The following SGK1 variants were observed in gnomAD, a reference collection of about 807,000 sequenced individuals.
SGK1 encodes the protein serine/threonine-protein kinase Sgk1.
Under a neutral mutation model 64.2 loss-of-function variants are expected in SGK1, and 26 were observed. The ratio of observed to expected loss-of-function variants is 0.40; its 90% CI spans 0.30 to 0.56. The LOEUF is 0.56. Among genes scored for constraint, SGK1 ranks in the 20% least tolerant of loss-of-function variants. The pLI is 0.38. For synonymous variants in SGK1, 265 were observed against 239.7 expected, an observed-to-expected ratio of 1.11 and a Z score of -0.98; for missense variants, 519 against 645.6, an observed-to-expected ratio of 0.80 and a Z score of 2.12.
intron 2 of SGK1, among the ~76,000 whole-genome samples, chr6:134,251,254 G>A (rs1776601355): frequency 1.3e-5 from 2 of 152,160 alleles, no homozygotes; most frequent in Non-Finnish European, 2.9e-5. Context: ...TTGGCATGCA[G>A]TTAAACTTTG....
At chr6:134,254,930 G>A (rs1630191) in intron 2 of SGK1, among the ~76,000 whole-genome samples, 74,046 of 151,728 alleles carry the variant, frequency 0.49, 19,445 homozygotes, top group Non-Finnish European at 0.6. Context: ...GTGCAGTGGC[G>A]CCATCTCGGC....
At chr6:134,287,216 C>T (rs2114776835) in intron 1 of SGK1, among the ~76,000 whole-genome samples, 1 of 152,348 alleles carries the variant, frequency 6.6e-6, no homozygotes, top group Non-Finnish European at 1.5e-5. Flanking sequence ...AAATGATCCA[C>T]CTGCCTCGGG....
chr6:134,179,837 A>T (rs1169973910), intron 3 of SGK1, among the ~76,000 whole-genome samples: 1 of 152,208 alleles, frequency 6.6e-6, no homozygotes, highest in Non-Finnish European at 1.5e-5. Context: ...CCATAGGAAA[A>T]TTGACGGGAG....
chr6:134,297,593 C>T (rs1182714392), intron 1 of SGK1: 10 of 481,956 alleles, frequency 2.1e-5, no homozygotes, highest in Admixed American at 4.8e-5. Context: ...AGCTCCGCCT[C>T]CCAGGTTCAA....
At position 134,170,851 on chromosome 6, in the gene SGK1, ATCT is replaced by A. The variant is rs1562235584; in HGVS notation, c.1385_1387del (p.Lys462del). On this transcript the variant is annotated inframe_deletion, in exon 13 of 14. Transcript: ENST00000367858. Reference sequence around the variant, plus strand: ...CACATTTGGGTTAAAAGGGGGAGTAATCTTCTTATTAATGAGATCATCCCAGTT... The same window carrying A: ...CACATTTGGGTTAAAAGGGGGAGTAATCTTATTAATGAGATCATCCCAGTT... 2.5e-6 allele frequency: 4 copies of A among 1,609,576 alleles called. No homozygotes were observed. The highest frequency in any genetic ancestry group is 1.7e-5 in the Admixed American group (1 of 60,000).
At chr6:134,232,463 G>GAA (rs1386927266) in intron 2 of SGK1, among the ~76,000 whole-genome samples, 2 of 42,280 alleles carry the variant, frequency 4.7e-5, no homozygotes, top group Non-Finnish European at 1.1e-4. Flanking sequence ...AAGAAAGAAA[G>GAA]AAAGAAAGAA....
chr6:134,213,366 A>T (rs1775922900), intron 2 of SGK1, among the ~76,000 whole-genome samples: 1 of 151,916 alleles, frequency 6.6e-6, no homozygotes, highest in Non-Finnish European at 1.5e-5. Flanking sequence ...TCCTAAAAAT[A>T]CAAAATTAGC....
At chr6:134,217,794 G>C (rs1253010212) in intron 2 of SGK1, among the ~76,000 whole-genome samples, 1 of 152,160 alleles carries the variant, frequency 6.6e-6, no homozygotes, top group African/African-American at 2.4e-5. Flanking sequence ...ATGAGGCCTA[G>C]GAACAATACT....
At position 134,218,356 on chromosome 6, in the gene SGK1, T is replaced by C. The variant is rs899029095; in HGVS notation, c.286-10925A>G. On this transcript the variant is annotated intron_variant, in intron 2 of 13. Transcript: ENST00000367858. ...ATAACTTATTATACAATAGGCACAGTGCTAGGAGCCATGGGCATAGGTGTG... is the reference window on the plus strand; with the variant it reads ...ATAACTTATTATACAATAGGCACAGCGCTAGGAGCCATGGGCATAGGTGTG... Among the ~76,000 whole-genome samples the C allele has an allele frequency of 2.6e-5, 4 of 152,146 alleles. No homozygotes were observed. In the East Asian group the frequency reaches 5.8e-4, roughly 22 times the overall value.
At chr6:134,266,690 C>T (rs997319634) in intron 1 of SGK1, among the ~76,000 whole-genome samples, 1 of 152,112 alleles carries the variant, frequency 6.6e-6, no homozygotes, top group Non-Finnish European at 1.5e-5. Context: ...ATTTCTGTCA[C>T]TATAGGGCCC....
intron 3 of SGK1, among the ~76,000 whole-genome samples, chr6:134,191,835 A>ATGTTTTTTTTTTTTTTT (rs1775516536): frequency 1.6e-5 from 1 of 61,204 alleles, no homozygotes; most frequent in Non-Finnish European, 2.9e-5. Context: ...CGCCCGGCTG[A>ATGTTTTTTTTTTTTTTT]TTTTTTTTTT....
intron 1 of SGK1, among the ~76,000 whole-genome samples, chr6:134,316,297 G>C (rs2114807444): frequency 6.6e-6 from 1 of 152,310 alleles, no homozygotes; most frequent in Non-Finnish European, 1.5e-5. Context: ...CTGCGGATGA[G>C]TTAACTGAAG....
chr6:134,315,775 G>A (rs1385280907), intron 1 of SGK1, among the ~76,000 whole-genome samples: 2 of 151,950 alleles, frequency 1.3e-5, no homozygotes, highest in East Asian at 3.9e-4. Flanking sequence ...CCTGGTGGTG[G>A]ACATCTGTAA....
intron 2 of SGK1, among the ~76,000 whole-genome samples, chr6:134,235,257 C>T (rs1224126731): frequency 6.6e-6 from 1 of 152,150 alleles, no homozygotes; most frequent in Non-Finnish European, 1.5e-5. Flanking sequence ...ATGGCTCTGA[C>T]TGAAGGTGAG....
chr6:134,229,037 G>A (rs1001572613), intron 2 of SGK1, among the ~76,000 whole-genome samples: 2 of 152,118 alleles, frequency 1.3e-5, no homozygotes, highest in Non-Finnish European at 2.9e-5. Context: ...TAGAGACGGG[G>A]TTTCACCGTG....
intron 1 of SGK1, among the ~76,000 whole-genome samples, chr6:134,310,471 TACTC>T (rs1163728218): frequency 6.6e-6 from 1 of 152,252 alleles, no homozygotes; most frequent in Non-Finnish European, 1.5e-5. Context: ...GCATCCGTCT[TACTC>T]ACACTCTGTG....
chr6:134,228,913 C>G (rs1014444902), intron 2 of SGK1, among the ~76,000 whole-genome samples: 2 of 149,468 alleles, frequency 1.3e-5, no homozygotes, highest in East Asian at 2.0e-4. Flanking sequence ...GCGCGATCTC[C>G]GTTCACTGCA....
At chr6:134,251,503 C>A (rs747420453) in intron 2 of SGK1, among the ~76,000 whole-genome samples, 3 of 152,152 alleles carry the variant, frequency 2.0e-5, no homozygotes, top group Non-Finnish European at 2.9e-5. Flanking sequence ...AGTGTAACTG[C>A]TGGCTAGAGA....
At chr6:134,300,277 GC>G (rs1373503921) in intron 1 of SGK1, among the ~76,000 whole-genome samples, 1 of 152,056 alleles carries the variant, frequency 6.6e-6, no homozygotes, top group Non-Finnish European at 1.5e-5. Flanking sequence ...AATGGCTCAC[GC>G]CTGTAATCCC....
Sources: gnomAD v4.1 joint callset for allele counts (sites outside exome capture counted in the v4.1 genomes callset) on GRCh38, gnomAD v4.1.1 for gene constraint, MANE v1.5 for transcripts, NCBI Gene and HGNC (gene_info 2026-07-23, HGNC 2026-07-21) for gene names.